TAFA4: variants seen among roughly 807,000 people sequenced by gnomAD.
TAFA4 encodes TAFA chemokine like family member 4, also known as chemokine-like protein TAFA-4.
Under a neutral mutation model 21.1 loss-of-function variants are expected in TAFA4, and 20 were observed. The observed-to-expected ratio is 0.95, with a 90% CI of 0.67 to 1.38. TAFA4 has a LOEUF of 1.38. Ranked by LOEUF, TAFA4 falls within the 40% of genes most tolerant of loss-of-function variation. The probability of loss-of-function intolerance (pLI) is 0.00; values close to 1 mark genes in which losing one functional copy is unlikely to be tolerated. For synonymous variants in TAFA4, 71 were observed against 67.4 expected (o/e 1.05, Z -0.26); for missense variants, 211 against 180.9 (o/e 1.17, Z -0.95).
chr3:68,921,941 C>T (rs918872565), intron 1 of TAFA4, among the ~76,000 whole-genome samples: 3 of 152,170 alleles, frequency 2.0e-5, no homozygotes, highest in Non-Finnish European at 2.9e-5. Context: ...ACATCTTATG[C>T]TCTAAAAGAA....
chr3:68,809,423 T>G (rs1046797892), intron 3 of TAFA4, among the ~76,000 whole-genome samples: 6 of 152,188 alleles, frequency 3.9e-5, no homozygotes, highest in Non-Finnish European at 8.8e-5. Flanking sequence ...ATATAATTGG[T>G]TGCCAATATG....
intron 3 of TAFA4, among the ~76,000 whole-genome samples, chr3:68,864,958 G>T (rs1324177394): frequency 7.9e-5 from 12 of 152,054 alleles, no homozygotes; most frequent in Admixed American, 7.9e-4. Context: ...AGGGATGGTG[G>T]GAAGGAAAGA....
chr3:68,896,949 G>A (rs1169402917), intron 1 of TAFA4, among the ~76,000 whole-genome samples: 1 of 152,206 alleles, frequency 6.6e-6, no homozygotes, highest in Admixed American at 6.5e-5. Context: ...TGTCACCCAG[G>A]CTGGAGTACA....
At chr3:68,807,832 C>A (rs1703736227) in intron 3 of TAFA4, among the ~76,000 whole-genome samples, 1 of 150,628 alleles carries the variant, frequency 6.6e-6, no homozygotes, top group Non-Finnish European at 1.5e-5. Context: ...TGCTGAGCTG[C>A]ATTTGAAGCT....
intron 4 of TAFA4, among the ~76,000 whole-genome samples, chr3:68,746,193 G>A (rs754939579): frequency 6.6e-6 from 1 of 152,154 alleles, no homozygotes; most frequent in Non-Finnish European, 1.5e-5. Context: ...AGGCTGCACT[G>A]TTGGCTTCCC....
chr3:68,888,117 A>G (rs1374873894), intron 1 of TAFA4, among the ~76,000 whole-genome samples: 3 of 152,260 alleles, frequency 2.0e-5, no homozygotes, highest in African/African-American at 7.2e-5. Flanking sequence ...CCTGCCACAT[A>G]TACTAGATCA....
intron 3 of TAFA4, among the ~76,000 whole-genome samples, chr3:68,856,374 C>T (rs142802824): frequency 2.2e-4 from 34 of 152,252 alleles, no homozygotes; most frequent in African/African-American, 6.7e-4. Flanking sequence ...TGAAATTCCA[C>T]GTCTAAATGG....
At chr3:68,769,754 A>G (rs1303154269) in intron 3 of TAFA4, among the ~76,000 whole-genome samples, 1 of 152,206 alleles carries the variant, frequency 6.6e-6, no homozygotes, top group Non-Finnish European at 1.5e-5. Flanking sequence ...AATCCCACCG[A>G]GTAGCATCCT....
At chr3:68,908,437 C>T (rs1477247948) in intron 1 of TAFA4, among the ~76,000 whole-genome samples, 4 of 151,564 alleles carry the variant, frequency 2.6e-5, no homozygotes, top group Non-Finnish European at 2.9e-5. Context: ...ACTCAGATGG[C>T]GATATTGCCA....
intron 3 of TAFA4, among the ~76,000 whole-genome samples, chr3:68,874,370 A>T (rs976336292): frequency 6.6e-6 from 1 of 152,122 alleles, no homozygotes; most frequent in African/African-American, 2.4e-5. Context: ...TCCAAGCAAC[A>T]CCTAGGAAAA....
At chr3:68,889,399 A>C (rs575586426) in intron 1 of TAFA4, among the ~76,000 whole-genome samples, 2 of 152,136 alleles carry the variant, frequency 1.3e-5, no homozygotes, top group Middle Eastern at 3.4e-3. Context: ...CCTACACTTG[A>C]TTTCTTATCA....
chr3:68,866,320 C>A (rs1239465433), intron 3 of TAFA4, among the ~76,000 whole-genome samples: 2 of 151,954 alleles, frequency 1.3e-5, no homozygotes, highest in African/African-American at 4.8e-5. Flanking sequence ...TGGCAGAGCT[C>A]TGAACCTTAG....
chr3:68,889,982 T>C (rs2089714799), intron 1 of TAFA4, among the ~76,000 whole-genome samples: 1 of 152,208 alleles, frequency 6.6e-6, no homozygotes, highest in Non-Finnish European at 1.5e-5. Flanking sequence ...TATCTGAATA[T>C]AGCCTGTAGA....
intron 3 of TAFA4, among the ~76,000 whole-genome samples, chr3:68,796,558 A>C (rs930705468): frequency 6.6e-6 from 1 of 152,206 alleles, no homozygotes; most frequent in Non-Finnish European, 1.5e-5. Flanking sequence ...AAACAGGGAA[A>C]AGCTTCATGA....
At chr3:68,924,243 A>G (rs186869298) in intron 1 of TAFA4, among the ~76,000 whole-genome samples, 3 of 152,374 alleles carry the variant, frequency 2.0e-5, no homozygotes, top group South Asian at 2.1e-4. Flanking sequence ...ACAAATGTCC[A>G]TTGAAGGACA....
intron 3 of TAFA4, among the ~76,000 whole-genome samples, chr3:68,773,552 C>A (rs946926909): frequency 6.6e-6 from 1 of 152,174 alleles, no homozygotes. Context: ...GAAGTTCCAT[C>A]CCTCTAATCC....
chr3:68,793,950 C>T (rs950636104), intron 3 of TAFA4, among the ~76,000 whole-genome samples: 7 of 152,202 alleles, frequency 4.6e-5, no homozygotes, highest in African/African-American at 1.7e-4. Context: ...ACGTACAACA[C>T]ATCCCTGATG....
At chr3:68,834,285 GAATGACCAAGTCC>G (rs1185719222) in intron 3 of TAFA4, among the ~76,000 whole-genome samples, 2 of 152,256 alleles carry the variant, frequency 1.3e-5, no homozygotes, top group African/African-American at 4.8e-5. Flanking sequence ...ATGCCTGGTA[GAATGACCAAGTCC>G]ACTTTCCCAC....
chr3:68,817,474 A>G (rs1409230273), intron 3 of TAFA4, among the ~76,000 whole-genome samples: 1 of 152,138 alleles, frequency 6.6e-6, no homozygotes, highest in African/African-American at 2.4e-5. Flanking sequence ...TAAATCATGA[A>G]TGTTCTTAGT....
Sources: gnomAD v4.1 joint callset for allele counts (sites outside exome capture counted in the v4.1 genomes callset) on GRCh38, gnomAD v4.1.1 for gene constraint, MANE v1.5 for transcripts, NCBI Gene and HGNC (gene_info 2026-07-23, HGNC 2026-07-21) for gene names.